Variants in RBFOX1 observed in about 807,000 individuals in gnomAD.
The protein encoded by RBFOX1 is RNA binding fox-1 homolog 1.
RBFOX1 carries 8 observed loss-of-function variants against 57.7 expected under a neutral mutation model. The observed-to-expected ratio is 0.14, with a 90% CI of 0.08 to 0.25. The LOEUF (loss-of-function observed/expected upper bound fraction) is 0.25. Ranked by LOEUF, RBFOX1 falls within the 10% of genes least tolerant of loss-of-function variation. The probability of loss-of-function intolerance (pLI) is 1.00; values close to 1 mark genes in which losing one functional copy is unlikely to be tolerated. For synonymous variants in RBFOX1, 326 were observed against 222.4 expected, an observed-to-expected ratio of 1.47 and a Z score of -4.15; for missense variants, 611 against 548.5, an observed-to-expected ratio of 1.11 and a Z score of -1.14.
intron 2 of RBFOX1, among the ~76,000 whole-genome samples, chr16:6,536,981 AT>A (rs2096744009): frequency 6.6e-6 from 1 of 152,184 alleles, no homozygotes; most frequent in Non-Finnish European, 1.5e-5. Context: ...ATTCCTTCCT[AT>A]CCATTGTCTT....
chr16:6,940,051 C>T (rs1420820926), intron 3 of RBFOX1, among the ~76,000 whole-genome samples: 1 of 152,108 alleles, frequency 6.6e-6, no homozygotes, highest in African/African-American at 2.4e-5. Context: ...CCTGTCTCTA[C>T]TGAAAATACA....
At chr16:6,318,454 G>A (rs1412873931) in intron 2 of RBFOX1, among the ~76,000 whole-genome samples, 1 of 152,156 alleles carries the variant, frequency 6.6e-6, no homozygotes, top group African/African-American at 2.4e-5. Context: ...GTTTAAAGCA[G>A]CATCTTTCTC....
intron 4 of RBFOX1, among the ~76,000 whole-genome samples, chr16:7,061,450 T>C (rs2054242483): frequency 1.3e-5 from 2 of 152,158 alleles, no homozygotes; most frequent in African/African-American, 4.8e-5. Flanking sequence ...TATGATTAAA[T>C]AAAGAAGTGT....
At chr16:6,986,212 A>ATTTATTTATTTATTTG (rs1162295181) in intron 3 of RBFOX1, among the ~76,000 whole-genome samples, 1 of 151,162 alleles carries the variant, frequency 6.6e-6, no homozygotes, top group Admixed American at 6.6e-5. Flanking sequence ...TTATTTATTT[A>ATTTATTTATTTATTTG]TTTTCTGAGA....
At chr16:7,672,403 A>G (rs897813094) in intron 13 of RBFOX1, among the ~76,000 whole-genome samples, 1 of 152,206 alleles carries the variant, frequency 6.6e-6, no homozygotes, top group Non-Finnish European at 1.5e-5. Context: ...GTGAATTACG[A>G]AAGTACTTTT....
chr16:6,155,474 C>T (rs759652854), intron 1 of RBFOX1, among the ~76,000 whole-genome samples: 9 of 152,180 alleles, frequency 5.9e-5, no homozygotes, highest in African/African-American at 1.2e-4. Context: ...ATTTTCCCCC[C>T]GTTCATGTAA....
chr16:5,267,119 A>G (rs1363679444), intron 1 of RBFOX1, among the ~76,000 whole-genome samples: 4 of 151,564 alleles, frequency 2.6e-5, no homozygotes, highest in African/African-American at 2.4e-5. Flanking sequence ...TGCTGGTTAC[A>G]TGGAAGGATG....
intron 3 of RBFOX1, among the ~76,000 whole-genome samples, chr16:7,046,002 T>C (rs550875006): frequency 2.0e-5 from 3 of 152,278 alleles, no homozygotes; most frequent in Non-Finnish European, 4.4e-5. Context: ...GCTATCACTA[T>C]TACTATACAT....
At chr16:5,542,602 A>C (rs1416723644) in intron 2 of RBFOX1, among the ~76,000 whole-genome samples, 1 of 152,138 alleles carries the variant, frequency 6.6e-6, no homozygotes, top group African/African-American at 2.4e-5. Context: ...ATTTCAATCT[A>C]GTACAACAAT....
rs74759111 is a variant in RBFOX1, at chr16:6,716,575, T to A, written c.-16+61925T>A. Among the ~76,000 whole-genome samples the A allele has an allele frequency of 1.6e-3, 249 of 152,344 alleles. 4 individuals carry two copies. The East Asian group carries it at 0.029, about 18-fold the overall frequency. ...TTCCATCTTCTTGGAATGGAACTTGTCTCAGAATCTTTCAGGCGATTGCCT... is the reference window on the plus strand; with the variant it reads ...TTCCATCTTCTTGGAATGGAACTTGACTCAGAATCTTTCAGGCGATTGCCT... On this transcript the variant is annotated intron_variant, in intron 3 of 15. Coordinates refer to ENST00000550418, the MANE Select transcript of RBFOX1 (RefSeq NM_018723.4).
chr16:6,166,282 G>T (rs1468841813), intron 1 of RBFOX1, among the ~76,000 whole-genome samples: 5 of 151,980 alleles, frequency 3.3e-5, no homozygotes, highest in African/African-American at 1.2e-4. Context: ...TGCACATAAG[G>T]ACTCTCTGGG....
chr16:7,503,775 A>G (rs1029506392), intron 4 of RBFOX1, among the ~76,000 whole-genome samples: 1 of 152,272 alleles, frequency 6.6e-6, no homozygotes, highest in Admixed American at 6.5e-5. Context: ...CACTTTTGCC[A>G]ATGTTTATTT....
chr16:6,611,339 G>C (rs2098049065), intron 2 of RBFOX1, among the ~76,000 whole-genome samples: 1 of 152,100 alleles, frequency 6.6e-6, no homozygotes, highest in African/African-American at 2.4e-5. Context: ...TAGAGACAGG[G>C]TTTTGCCATG....
chr16:7,666,653 T>C (rs1221278332), intron 13 of RBFOX1, among the ~76,000 whole-genome samples: 2 of 152,050 alleles, frequency 1.3e-5, no homozygotes, highest in African/African-American at 2.4e-5. Context: ...TGAGTGCGAG[T>C]GTGTGTCTGT....
intron 2 of RBFOX1, among the ~76,000 whole-genome samples, chr16:6,651,019 C>G (rs1181986606): frequency 6.6e-6 from 1 of 152,196 alleles, no homozygotes; most frequent in Non-Finnish European, 1.5e-5. Flanking sequence ...TCTCTTGTCT[C>G]AGCCTCCTGA....
chr16:6,694,302 C>G (rs886743358), intron 3 of RBFOX1, among the ~76,000 whole-genome samples: 1 of 152,152 alleles, frequency 6.6e-6, no homozygotes, highest in African/African-American at 2.4e-5. Context: ...TCTTATTTAT[C>G]TTGACAAACA....
At chr16:5,927,596 G>A (rs556244925) in intron 4 of RBFOX1, among the ~76,000 whole-genome samples, 2 of 152,168 alleles carry the variant, frequency 1.3e-5, no homozygotes, top group African/African-American at 4.8e-5. Flanking sequence ...GTGCTTCTGG[G>A]TATATATCCA....
At chr16:7,465,099 C>T (rs1272711705) in intron 4 of RBFOX1, among the ~76,000 whole-genome samples, 3 of 152,076 alleles carry the variant, frequency 2.0e-5, no homozygotes, top group Non-Finnish European at 4.4e-5. Context: ...CTGCTAAGCT[C>T]ATCCTTAGAA....
At chr16:6,755,198 A>G (rs1457143270) in intron 3 of RBFOX1, among the ~76,000 whole-genome samples, 1 of 152,198 alleles carries the variant, frequency 6.6e-6, no homozygotes, top group African/African-American at 2.4e-5. Flanking sequence ...AGCATGATTT[A>G]TAGTCCTTTG....
Sources: gnomAD v4.1 joint callset for allele counts (sites outside exome capture counted in the v4.1 genomes callset) on GRCh38, gnomAD v4.1.1 for gene constraint, MANE v1.5 for transcripts, NCBI Gene and HGNC (gene_info 2026-07-23, HGNC 2026-07-21) for gene names.